The following SIRT1 variants were observed in gnomAD, a reference collection of about 807,000 sequenced individuals.
SIRT1 encodes NAD-dependent protein deacetylase sirtuin-1.
SIRT1 carries 24 observed loss-of-function variants against 67.9 expected under a neutral mutation model. The observed-to-expected ratio is 0.35, with a 90% CI of 0.26 to 0.50. The LOEUF (loss-of-function observed/expected upper bound fraction) is 0.50, where lower values mean the gene tolerates loss of function less well. SIRT1 is among the 20% of genes least tolerant of loss of function. SIRT1 has a pLI of 0.98. For synonymous variants in SIRT1, 378 were observed against 350.7 expected (o/e 1.08, Z -0.87); for missense variants, 873 against 937.2 (o/e 0.93, Z 0.89).
In SIRT1 at chr10:67,913,603, G is replaced by T. The variant is rs190923651; in HGVS notation, c.1915+572G>T. Among the ~76,000 whole-genome samples the T allele has an allele frequency of 7.2e-5, 11 of 152,268 alleles. No individual in the cohort carries two copies. In the East Asian group the frequency reaches 2.1e-3, roughly 29 times the overall value. On this transcript the variant is annotated intron_variant, in intron 8 of 8. Coordinates refer to ENST00000212015, the MANE Select transcript of SIRT1 (RefSeq NM_012238.5). ...TGAATATAGGAATAGTTTCTACCCTGTTTAGAACATGCATAGTCTTTATCA... is the reference window on the plus strand; with the variant it reads ...TGAATATAGGAATAGTTTCTACCCTTTTTAGAACATGCATAGTCTTTATCA...
intron 3 of SIRT1, among the ~76,000 whole-genome samples, chr10:67,889,592 A>T (rs1390108507): frequency 6.6e-6 from 1 of 152,172 alleles, no homozygotes; most frequent in Non-Finnish European, 1.5e-5. Context: ...TGGCGACTTG[A>T]CATTTTCTAT....
intron 7 of SIRT1, among the ~76,000 whole-genome samples, chr10:67,909,838 G>C (rs943954664): frequency 6.6e-6 from 1 of 151,780 alleles, no homozygotes; most frequent in Non-Finnish European, 1.5e-5. Context: ...GCCTTCTAAA[G>C]TGCTGGGATT....
intron 4 of SIRT1, among the ~76,000 whole-genome samples, chr10:67,901,378 C>T (rs780052775): frequency 2.6e-5 from 4 of 152,100 alleles, no homozygotes; most frequent in Non-Finnish European, 5.9e-5. Context: ...CAAAACAGGG[C>T]TCTGCTACTT....
At position 67,916,470 on chromosome 10, in the gene SIRT1, T is replaced by A. The variant is rs868057033; in HGVS notation, c.2121T>A (p.Asp707Glu). 6.2e-7 allele frequency: 1 copy of A among 1,614,188 alleles called. No homozygotes were observed. The highest frequency in any genetic ancestry group is 1.6e-4 in the Middle Eastern group (1 of 6,062). The change falls in exon 9 of 9, where the codon GAT becomes GAA. Residue 707 changes from aspartate to glutamate, a missense_variant. Physicochemically the swap from Asp to Glu is conservative, Grantham distance 45 (BLOSUM62 2). Coordinates refer to ENST00000212015, the MANE Select transcript of SIRT1 (RefSeq NM_012238.5). ...EFYNGLEDEP[D>E]VPERAGGAGF... ...ACAATGGCTTAGAAGATGAGCCTGA[T>A]GTTCCAGAGAGAGCTGGAGGAGCTG...
intron 4 of SIRT1, chr10:67,905,942 C>T (rs922681280): frequency 4.1e-6 from 1 of 244,070 alleles, no homozygotes; most frequent in Non-Finnish European, 7.7e-6. Flanking sequence ...TAGTTTTTTG[C>T]TAGCATTGTG....
At chr10:67,902,020 G>T (rs934760127) in intron 4 of SIRT1, among the ~76,000 whole-genome samples, 1 of 152,110 alleles carries the variant, frequency 6.6e-6, no homozygotes, top group Non-Finnish European at 1.5e-5. Context: ...ACGAAGTCTC[G>T]CTCTTGTCCC....
chr10:67,901,973 A>G (rs1229866580), intron 4 of SIRT1, among the ~76,000 whole-genome samples: 1 of 145,686 alleles, frequency 6.9e-6, no homozygotes, highest in Non-Finnish European at 1.5e-5. Context: ...ATTTTCAGGT[A>G]TACAATATTT....
chr10:67,894,452 G>A (rs1393452272), intron 4 of SIRT1, among the ~76,000 whole-genome samples: 4 of 152,084 alleles, frequency 2.6e-5, no homozygotes, highest in Non-Finnish European at 5.9e-5. Flanking sequence ...CTACTGCATG[G>A]TTTTGAAGAC....
chr10:67,895,070 T>G (rs1366729456), intron 4 of SIRT1, among the ~76,000 whole-genome samples: 1 of 151,778 alleles, frequency 6.6e-6, no homozygotes, highest in Non-Finnish European at 1.5e-5. Flanking sequence ...CAGTTGTTAC[T>G]CACATATAAT....
At chr10:67,909,160 C>G in intron 6 of SIRT1, 96 bp from the exon 7 acceptor site, 1 of 746,004 alleles carries the variant, frequency 1.3e-6, no homozygotes, top group East Asian at 2.9e-5. Context: ...TTTAATAATT[C>G]TGAAATGTAT....
intron 3 of SIRT1, among the ~76,000 whole-genome samples, chr10:67,890,437 A>C (rs1842551555): frequency 6.6e-6 from 1 of 152,030 alleles, no homozygotes; most frequent in Admixed American, 6.6e-5. Flanking sequence ...ATTTCTTTGG[A>C]ATTACTTCTC....
chr10:67,895,733 G>GTTTTTTTTT lies in SIRT1; in HGVS notation c.942+4185_942+4193dup, dbSNP rs1297235964. On this transcript the variant is annotated intron_variant, in intron 4 of 8. Coordinates refer to ENST00000212015, the MANE Select transcript of SIRT1 (RefSeq NM_012238.5). ...GTATGTGATTATTGAGAATTAACTT[G>GTTTTTTTTT]TTTTTTTTTTTTTTGTTTTTTTTTT... 6.6e-4 allele frequency among the ~76,000 whole-genome samples: 28 copies of GTTTTTTTTT among 42,736 alleles called. 6 individuals are homozygous for GTTTTTTTTT. Among genetic ancestry groups the GTTTTTTTTT allele is most frequent in the East Asian group, 1.6e-3 (2 of 1,236 alleles). The allele number at this position is 42,736 out of a possible 152,430, so 28.0% of individuals were successfully genotyped here.
intron 4 of SIRT1, among the ~76,000 whole-genome samples, chr10:67,897,367 C>A (rs890561870): frequency 6.0e-5 from 9 of 149,452 alleles, no homozygotes; most frequent in African/African-American, 2.2e-4. Flanking sequence ...GGCTCACTTG[C>A]AACCTCCGCC....
chr10:67,916,342 G>A lies in SIRT1; in HGVS notation c.1993G>A (p.Val665Ile), dbSNP rs201730062. 69 of 1,614,012 alleles carry A rather than the reference G, an allele frequency of 4.3e-5. No individual in the cohort carries two copies. The highest frequency in any genetic ancestry group is 5.5e-5 in the Non-Finnish European group (65 of 1,180,000). Reference protein sequence around the residue: ...AEVYSDSEDDVLSSSSCGSNS... With the variant: ...AEVYSDSEDDILSSSSCGSNS... ...GGTATATTCAGACTCTGAAGATGAC[G>A]TCTTATCCTCTAGTTCTTGTGGCAG... The change falls in exon 9 of 9, where the codon GTC (valine) becomes ATC (isoleucine). Residue 665 changes from valine (V) to isoleucine (I), a missense_variant. Physicochemically the swap from Val to Ile is conservative, Grantham distance 29. This residue lies in a region of SIRT1 where 295 missense variants were observed against 294.5 expected (regional missense o/e 1.00). Coordinates refer to ENST00000212015, the MANE Select transcript of SIRT1 (RefSeq NM_012238.5).
Position 67,886,799 on chromosome 10 carries a change from G to A in SIRT1, c.431-618G>A, listed in dbSNP as rs556349850. ...TTATGTAAATGTCCATTTATTACACGTTTCACGAACGCTATTGTTTGTGAT... is the reference window on the plus strand; with the variant it reads ...TTATGTAAATGTCCATTTATTACACATTTCACGAACGCTATTGTTTGTGAT... On this transcript the variant is annotated intron_variant, in intron 1 of 8. Coordinates refer to ENST00000212015, the MANE Select transcript of SIRT1 (RefSeq NM_012238.5). 1.8e-4 allele frequency among the ~76,000 whole-genome samples: 27 copies of A among 151,298 alleles called. 1 individual carries two copies. Among genetic ancestry groups the A allele is most frequent in the Non-Finnish European group, 4.0e-4 (27 of 67,818 alleles).
chr10:67,889,938 A>G (rs1473364838), intron 3 of SIRT1, among the ~76,000 whole-genome samples: 1 of 152,126 alleles, frequency 6.6e-6, no homozygotes, highest in Non-Finnish European at 1.5e-5. Context: ...ATTAGTGGGC[A>G]CGTCTCAAAG....
Position 67,913,075 on chromosome 10 carries a change from A to C in SIRT1, c.1915+44A>C, listed in dbSNP as rs34001250. ...CCATTTTGAAAGTATAAATGTCATAACAGTATTTCCAAAAAATTAGCTATT... is the reference window on the plus strand; with the variant it reads ...CCATTTTGAAAGTATAAATGTCATACCAGTATTTCCAAAAAATTAGCTATT... On this transcript the variant is annotated intron_variant, in intron 8 of 8. Transcript: ENST00000212015. 1.4e-5 allele frequency: 21 copies of C among 1,538,468 alleles called. No individual in the cohort carries two copies. The East Asian group carries it at 4.5e-4, about 33-fold the overall frequency.
intron 4 of SIRT1, chr10:67,905,900 C>CGGTT (rs1378780127): frequency 1.1e-5 from 2 of 185,680 alleles, no homozygotes; most frequent in Admixed American, 6.1e-5. Flanking sequence ...TTTATACAAC[C>CGGTT]GGTTCCCTAT....
intron 7 of SIRT1, among the ~76,000 whole-genome samples, chr10:67,911,790 C>T (rs1394723340): frequency 3.2e-5 from 4 of 123,448 alleles, no homozygotes; most frequent in African/African-American, 1.7e-4. Flanking sequence ...CTCCCTCCCT[C>T]CCTCCTATCC....
Sources: allele counts gnomAD v4.1 joint callset (sites outside exome capture counted in the v4.1 genomes callset), GRCh38; gene constraint gnomAD v4.1.1; regional missense constraint gnomAD v4.1.1; transcripts MANE v1.5; gene names NCBI Gene and HGNC (gene_info 2026-07-23, HGNC 2026-07-21).